NTM: variants seen among roughly 807,000 people sequenced by gnomAD.
NTM encodes neurotrimin, also known as IgLON family member 2.
Under a neutral mutation model 42.1 loss-of-function variants are expected in NTM, and 13 were observed. The ratio of observed to expected loss-of-function variants is 0.31; its 90% CI spans 0.20 to 0.49. The LOEUF (loss-of-function observed/expected upper bound fraction) is 0.49. Ranked by LOEUF, NTM falls within the 20% of genes least tolerant of loss-of-function variation. The pLI, the probability that NTM is intolerant of heterozygous loss-of-function variation, is 0.99. For synonymous variants in NTM, 187 were observed against 179.2 expected, an observed-to-expected ratio of 1.04 and a Z score of -0.35; for missense variants, 373 against 452.8, an observed-to-expected ratio of 0.82 and a Z score of 1.60.
At chr11:131,781,757 G>T (rs2088184463) in intron 1 of NTM, among the ~76,000 whole-genome samples, 1 of 152,164 alleles carries the variant, frequency 6.6e-6, no homozygotes, top group Non-Finnish European at 1.5e-5. Context: ...GATCCTTGAG[G>T]AAATAAAACA....
chr11:131,888,309 A>G (rs915434879), intron 1 of NTM, among the ~76,000 whole-genome samples: 1 of 152,080 alleles, frequency 6.6e-6, no homozygotes, highest in Non-Finnish European at 1.5e-5. Context: ...TCAAAAAAAC[A>G]AAAAAAGAAT....
chr11:131,878,594 A>AATAT lies in NTM; in HGVS notation c.83-32926_83-32923dup, dbSNP rs201069325. Among the ~76,000 whole-genome samples the AATAT allele has an allele frequency of 7.0e-3, 135 of 19,214 alleles. 2 individuals are homozygous for AATAT. The highest frequency in any genetic ancestry group is 9.1e-3 in the Admixed American group (9 of 986). 12.6% of individuals were successfully genotyped at this position (19,214 alleles called of 152,430 possible). On this transcript the variant is annotated intron_variant, in intron 1 of 8. Coordinates refer to ENST00000683400, the MANE Select transcript of NTM (RefSeq NM_001352005.2). Reference sequence around the variant, plus strand: ...CAAAAAAAAAAAAAAAAAAAAAAAAAATATATATATATATATATATATATA... The same window carrying AATAT: ...CAAAAAAAAAAAAAAAAAAAAAAAAAATATATATATATATATATATATATATATA...
At chr11:131,816,536 T>G (rs987832403) in intron 1 of NTM, among the ~76,000 whole-genome samples, 1 of 108,514 alleles carries the variant, frequency 9.2e-6, no homozygotes, top group African/African-American at 5.0e-5. Context: ...GTTCATTGAA[T>G]ATTAAAGCAA....
intron 3 of NTM, among the ~76,000 whole-genome samples, chr11:132,206,657 T>C (rs1184561790): frequency 6.6e-6 from 1 of 152,234 alleles, no homozygotes; most frequent in African/African-American, 2.4e-5. Flanking sequence ...TTGCCTCTTG[T>C]AGTCAATAGA....
intron 8 of NTM, among the ~76,000 whole-genome samples, chr11:132,334,081 T>G (rs1173418848): frequency 1.3e-5 from 2 of 152,222 alleles, no homozygotes; most frequent in Non-Finnish European, 1.5e-5. Flanking sequence ...AGGTCCAGTC[T>G]GAGGAGGTGG....
At position 131,436,176 on chromosome 11, in the gene NTM, A is replaced by G. The variant is rs186552790; in HGVS notation, c.82+65288A>G. The stretch of plus-strand genomic sequence containing the variant: ...TGGATAAGCTTTTTGATGTGCTGCT[A>G]GATTCGATTTGCCAGTATTTTATTG... On this transcript the variant is annotated intron_variant, in intron 1 of 8. Transcript: ENST00000683400. 4.7e-3 allele frequency among the ~76,000 whole-genome samples: 710 copies of G among 152,250 alleles called. 8 individuals carry two copies. Among genetic ancestry groups the G allele is most frequent in the African/African-American group, 0.015 (604 of 41,542 alleles).
intron 2 of NTM, among the ~76,000 whole-genome samples, chr11:132,093,598 T>C (rs1453235386): frequency 6.6e-6 from 1 of 152,328 alleles, no homozygotes; most frequent in Middle Eastern, 3.4e-3. Flanking sequence ...TCTGTCTTTT[T>C]TGATATTGCA....
chr11:131,892,351 A>T (rs1476581053), intron 1 of NTM, among the ~76,000 whole-genome samples: 1 of 152,218 alleles, frequency 6.6e-6, no homozygotes, highest in Admixed American at 6.5e-5. Context: ...AAAGAGAGAG[A>T]ATCTTTCTCA....
chr11:131,558,877 A>G (rs2055824908), intron 1 of NTM, among the ~76,000 whole-genome samples: 1 of 152,148 alleles, frequency 6.6e-6, no homozygotes, highest in Non-Finnish European at 1.5e-5. Context: ...CAGGTTTCTT[A>G]TGTACCATTC....
At chr11:131,516,915 T>C (rs117980607) in intron 1 of NTM, among the ~76,000 whole-genome samples, 3 of 152,330 alleles carry the variant, frequency 2.0e-5, no homozygotes, top group South Asian at 2.1e-4. Flanking sequence ...CACTTTAGAT[T>C]GCATTTCAAG....
intron 1 of NTM, among the ~76,000 whole-genome samples, chr11:131,825,374 G>T (rs1487595244): frequency 6.6e-6 from 1 of 150,772 alleles, no homozygotes; most frequent in African/African-American, 2.4e-5. Context: ...TTCAGCATAT[G>T]AATTTTTGTA....
chr11:131,512,688 G>A (rs1469784330), intron 1 of NTM, among the ~76,000 whole-genome samples: 11 of 152,170 alleles, frequency 7.2e-5, no homozygotes. Flanking sequence ...GCAGGCCGTG[G>A]AATCCTCTCC....
At chr11:132,015,511 A>G (rs1460524390) in intron 2 of NTM, among the ~76,000 whole-genome samples, 1 of 151,804 alleles carries the variant, frequency 6.6e-6, no homozygotes, top group Non-Finnish European at 1.5e-5. Flanking sequence ...GTTTTAATTC[A>G]TCCAATTCAT....
chr11:132,125,456 GGTGTGTA>G (rs1183604320), intron 2 of NTM, among the ~76,000 whole-genome samples: 1 of 126,954 alleles, frequency 7.9e-6, no homozygotes. Context: ...GTGTGTATGT[GGTGTGTA>G]GTGTGTGGTG....
At chr11:132,330,536 C>G (rs898424749) in intron 8 of NTM, among the ~76,000 whole-genome samples, 1 of 152,180 alleles carries the variant, frequency 6.6e-6, no homozygotes, top group Non-Finnish European at 1.5e-5. Context: ...CAGACCTTGG[C>G]CCTGCATGCT....
intron 1 of NTM, among the ~76,000 whole-genome samples, chr11:131,618,685 C>A (rs566282692): frequency 6.6e-6 from 1 of 152,300 alleles, no homozygotes; most frequent in South Asian, 2.1e-4. Flanking sequence ...TAGTTACACA[C>A]GTTCTATAAT....
chr11:131,761,088 G>A (rs2084092389), intron 1 of NTM, among the ~76,000 whole-genome samples: 1 of 152,120 alleles, frequency 6.6e-6, no homozygotes, highest in South Asian at 2.1e-4. Flanking sequence ...GGGGAAGCGG[G>A]GAGGACAGAA....
chr11:131,948,713 C>G (rs961543784), intron 2 of NTM, among the ~76,000 whole-genome samples: 1 of 152,208 alleles, frequency 6.6e-6, no homozygotes, highest in African/African-American at 2.4e-5. Context: ...ATAGCAGAGG[C>G]GTCCATGCTG....
intron 2 of NTM, among the ~76,000 whole-genome samples, chr11:131,936,838 G>A (rs2059275790): frequency 6.6e-6 from 1 of 152,166 alleles, no homozygotes; most frequent in Admixed American, 6.5e-5. Flanking sequence ...TATGTATCAG[G>A]CACTGCTCCA....
Sources: allele counts gnomAD v4.1 joint callset (sites outside exome capture counted in the v4.1 genomes callset), GRCh38; gene constraint gnomAD v4.1.1; transcripts MANE v1.5; gene names NCBI Gene and HGNC (gene_info 2026-07-23, HGNC 2026-07-21).